Variants in SNF8 observed in about 807,000 individuals in gnomAD.
SNF8 encodes vacuolar-sorting protein SNF8.
SNF8 carries 19 observed loss-of-function variants against 36.8 expected under a neutral mutation model. The ratio of observed to expected loss-of-function variants is 0.52; its 90% confidence interval spans 0.36 to 0.76. The LOEUF (loss-of-function observed/expected upper bound fraction) is 0.76. Ranked by LOEUF, SNF8 falls within the 30% of genes least tolerant of loss-of-function variation. The pLI, the probability that SNF8 is intolerant of heterozygous loss-of-function variation, is 0.00. For missense variants in SNF8, 268 were observed against 322.9 expected, an observed-to-expected ratio of 0.83 and a Z score of 1.30; for synonymous variants, 127 against 127.4, an observed-to-expected ratio of 1.00 and a Z score of 0.02.
At chr17:48,931,213 TCAGTACGA>T (rs2040852875) in intron 7 of SNF8, among the ~76,000 whole-genome samples, 1 of 152,238 alleles carries the variant, frequency 6.6e-6, no homozygotes, top group Non-Finnish European at 1.5e-5. Context: ...CATTCATTCT[TCAGTACGA>T]TGAAATTTGT....
intron 7 of SNF8, 140 bp downstream of exon 7, chr17:48,931,503 G>A (rs2040858799): frequency 1.5e-6 from 1 of 689,286 alleles, no homozygotes; most frequent in Middle Eastern, 4.3e-4. Flanking sequence ...GAGAAGTGCT[G>A]GGCTTCCTTC....
At position 48,938,854 on chromosome 17, in the gene SNF8, C is replaced by T. The variant is rs140758311; in HGVS notation, c.245-1730G>A. 7.2e-3 allele frequency among the ~76,000 whole-genome samples: 1,045 copies of T among 145,100 alleles called. 6 individuals carry two copies. The highest frequency in any genetic ancestry group is 0.025 in the African/African-American group (980 of 39,242). On this transcript the variant is annotated intron_variant, in intron 3 of 7. Transcript: ENST00000502492. ...CGCCATTGCACTCCAGCATGGGCAA[C>T]AAGAGCGAGACTCCGTCTCAAAAAA...
In SNF8 at chr17:48,937,051, T is replaced by A; in HGVS notation, c.318A>T (p.Glu106Asp). Residue 106 changes from glutamate to aspartate, a missense_variant, in exon 4 of 8, where the codon GAA (glutamate) becomes GAT (aspartate). Transcript: ENST00000502492. ...TCCGATGCTTCAGCGCCAGGCACAC[T>A]TCGATAATTTGGACACCTAGTTCGT... The part of the protein sequence containing the change: ...FYYELGVQII[E>D]VCLALKHRNG... 1 of 1,614,076 alleles carries A rather than the reference T, an allele frequency of 6.2e-7. No homozygotes were observed. The highest frequency in any genetic ancestry group is 8.5e-7 in the Non-Finnish European group (1 of 1,179,992).
chr17:48,942,481 T>C (rs1337927841), intron 2 of SNF8, among the ~76,000 whole-genome samples: 2 of 152,144 alleles, frequency 1.3e-5, no homozygotes, highest in Non-Finnish European at 2.9e-5. Context: ...CCCATTTTCC[T>C]GCTTAACGGC....
In SNF8 at chr17:48,929,609, A is replaced by G. The variant is rs2040827243; in HGVS notation, c.*866T>C. 1.3e-5 allele frequency: 2 copies of G among 152,180 alleles called. No individual in the cohort carries two copies. The highest frequency in any genetic ancestry group is 2.9e-5 in the Non-Finnish European group (2 of 68,052). 9.4% of individuals were successfully genotyped at this position (152,180 alleles called of 1,614,324 possible). Reference sequence around the variant, plus strand: ...CACGTGTGTAGAAAAATGTCTACACACAGTATGTGCTGCCATTCTGTACTA... The same window carrying G: ...CACGTGTGTAGAAAAATGTCTACACGCAGTATGTGCTGCCATTCTGTACTA... On this transcript the variant is annotated 3_prime_UTR_variant, in exon 8 of 8. Coordinates refer to ENST00000502492, the MANE Select transcript of SNF8 (RefSeq NM_007241.4).
chr17:48,941,084 G>A (rs1201260018), intron 2 of SNF8, 22 bp from the exon 3 acceptor site: 1 of 1,608,906 alleles, frequency 6.2e-7, no homozygotes. Context: ...ACAGGGAGTG[G>A]TGAAGGGCAG....
Position 48,944,722 on chromosome 17 carries a change from C to G in SNF8, c.13G>C (p.Gly5Arg). MHRR[G>R]VGAGAIAKKK... is the part of the protein sequence containing the mutation. ...TTGGCGATGGCGCCAGCTCCCACCCCGCGGCGGTGCATCCCCACCCTGGGC... is the reference window on the plus strand; with the variant it reads ...TTGGCGATGGCGCCAGCTCCCACCCGGCGGCGGTGCATCCCCACCCTGGGC... Residue 5 changes from glycine (G) to arginine (R), a missense_variant, in exon 1 of 8, where the codon GGG becomes CGG. Coordinates refer to ENST00000502492, the MANE Select transcript of SNF8 (RefSeq NM_007241.4). 6.2e-7 allele frequency: 1 copy of G among 1,610,630 alleles called. No individual in the cohort carries two copies. Among genetic ancestry groups the G allele is most frequent in the Non-Finnish European group, 8.5e-7 (1 of 1,178,900 alleles).
At chr17:48,936,514 G>A (rs1567786682) in intron 4 of SNF8, 1 of 368,866 alleles carries the variant, frequency 2.7e-6, no homozygotes. Flanking sequence ...TCAAGGCCGT[G>A]TCTATTTATA....
At chr17:48,939,431 T>C (rs897708296) in intron 3 of SNF8, among the ~76,000 whole-genome samples, 3 of 150,464 alleles carry the variant, frequency 2.0e-5, no homozygotes, top group African/African-American at 7.3e-5. Context: ...GAAACCTCAA[T>C]GCTAAAAAAT....
rs111729041 is a variant in SNF8, at chr17:48,940,557, G to A, written c.244+367C>T. ...GGTAATCCCAGCACTTTGGGAGGCCGAGGCGGGCGGATCACGAGGTCAGGA... is the reference window on the plus strand; with the variant it reads ...GGTAATCCCAGCACTTTGGGAGGCCAAGGCGGGCGGATCACGAGGTCAGGA... On this transcript the variant is annotated intron_variant, in intron 3 of 7. Transcript: ENST00000502492. Among the ~76,000 whole-genome samples, 1,300 of 151,974 alleles carry A rather than the reference G, an allele frequency of 8.6e-3. 23 individuals are homozygous for A. Among genetic ancestry groups the A allele is most frequent in the African/African-American group, 0.029 (1,217 of 41,448 alleles).
At chr17:48,934,511 G>C in intron 5 of SNF8, 1 of 194,002 alleles carries the variant, frequency 5.2e-6, no homozygotes. Context: ...GGCTGAGGCA[G>C]AAGAATCATT....
chr17:48,940,531 A>C (rs1005342200), intron 3 of SNF8, among the ~76,000 whole-genome samples: 3 of 151,742 alleles, frequency 2.0e-5, no homozygotes, highest in Non-Finnish European at 4.4e-5. Context: ...TGGCTCATGC[A>C]GGTAATCCCA....
chr17:48,937,011 C>T lies in SNF8; in HGVS notation c.349+9G>A. 2 of 1,603,404 alleles carry T rather than the reference C, an allele frequency of 1.2e-6. No homozygotes were observed. Among genetic ancestry groups the T allele is most frequent in the Non-Finnish European group, 1.7e-6 (2 of 1,170,206 alleles). On this transcript the variant is annotated intron_variant, in intron 4 of 7. Coordinates refer to ENST00000502492, the MANE Select transcript of SNF8 (RefSeq NM_007241.4). ...CAGAGTCCAGTTCACAGGACCTAGC[C>T]ACCCTCACCTCCATTCCGATGCTTC...
intron 3 of SNF8, among the ~76,000 whole-genome samples, chr17:48,939,643 T>C (rs1264260279): frequency 1.3e-5 from 2 of 151,644 alleles, no homozygotes; most frequent in African/African-American, 2.4e-5. Flanking sequence ...GTATTTTTAG[T>C]AGAGACAGGG....
intron 1 of SNF8, chr17:48,944,272 A>C: frequency 2.2e-6 from 1 of 450,794 alleles, no homozygotes; most frequent in Non-Finnish European, 4.1e-6. Context: ...ACTGCACTCC[A>C]ACCTGGGCGA....
intron 3 of SNF8, among the ~76,000 whole-genome samples, chr17:48,939,918 T>C (rs994406558): frequency 6.6e-6 from 1 of 151,238 alleles, no homozygotes; most frequent in Non-Finnish European, 1.5e-5. Context: ...CTACAAAAAA[T>C]ACAAAAATTA....
chr17:48,936,099 G>A (rs2040930412), intron 5 of SNF8, 71 bp downstream of exon 5: 3 of 1,069,054 alleles, frequency 2.8e-6, no homozygotes, highest in African/African-American at 1.6e-5. Context: ...TGAGGAATAG[G>A]GAGAAAAGAG....
In SNF8 at chr17:48,929,383, T is replaced by G. The variant is rs1040830940; in HGVS notation, c.*1092A>C. On this transcript the variant is annotated 3_prime_UTR_variant, in exon 8 of 8. Transcript: ENST00000502492. ...GAAGAGATGGGCCCAGGCTATATCC[T>G]GCTAAAGGAAGGGTCTCAGTATGGA... The G allele has an allele frequency of 5.3e-5, 8 of 152,176 alleles. No individual in the cohort carries two copies. Among genetic ancestry groups the G allele is most frequent in the African/African-American group, 1.9e-4 (8 of 41,420 alleles). The allele number at this position is 152,176 out of a possible 1,614,324, so 9.4% of individuals were successfully genotyped here.
chr17:48,931,765 C>T (rs376851863), intron 6 of SNF8, 48 bp from the exon 7 acceptor site: 33 of 1,464,212 alleles, frequency 2.3e-5, no homozygotes, highest in Non-Finnish European at 3.0e-5. Flanking sequence ...GTGCACCTTC[C>T]CTTAGAACCC....
Sources: gnomAD v4.1 joint callset for allele counts (sites outside exome capture counted in the v4.1 genomes callset) on GRCh38, gnomAD v4.1.1 for gene constraint, MANE v1.5 for transcripts, NCBI Gene and HGNC (gene_info 2026-07-23, HGNC 2026-07-21) for gene names.